SPSB1: variants seen among roughly 807,000 people sequenced by gnomAD.
SPSB1 encodes SPRY domain-containing SOCS box protein 1.
SPSB1 carries 8 observed loss-of-function variants against 21.2 expected under a neutral mutation model. The ratio of observed to expected loss-of-function variants is 0.38; its 90% confidence interval spans 0.22 to 0.68. The LOEUF is 0.68. SPSB1 is among the 30% of genes least tolerant of loss of function. SPSB1 has a pLI of 0.53. For missense variants in SPSB1, 242 were observed against 377.8 expected (o/e 0.64, Z 2.98); for synonymous variants, 169 against 161.7 (o/e 1.05, Z -0.34).
chr1:9,312,544 A>G (rs955169644), intron 1 of SPSB1, among the ~76,000 whole-genome samples: 1 of 151,882 alleles, frequency 6.6e-6, no homozygotes, highest in African/African-American at 2.4e-5. Flanking sequence ...TTTTCTCCCT[A>G]CCTCAGCATG....
rs1447584119 is a variant in SPSB1 at position 9,305,357 on chromosome 1, C to A, written c.-150+12286C>A. Among the ~76,000 whole-genome samples the A allele has an allele frequency of 3.9e-5, 6 of 152,246 alleles. No individual in the cohort carries two copies. The highest frequency in any genetic ancestry group is 1.4e-4 in the African/African-American group (6 of 41,464). ...GTCCACCCTGTCACCCAGACACATGCACCCTCAGCCATGCCAGGGACAGCT... is the reference window on the plus strand; with the variant it reads ...GTCCACCCTGTCACCCAGACACATGAACCCTCAGCCATGCCAGGGACAGCT... On this transcript the variant is annotated intron_variant, in intron 1 of 2. Transcript: ENST00000328089. This position sits in a 1 kb window ranked among gnomAD's most constrained non-coding sequence, Gnocchi z 4.8.
At chr1:9,341,078 A>C (rs1362714497) in intron 1 of SPSB1, among the ~76,000 whole-genome samples, 1 of 152,164 alleles carries the variant, frequency 6.6e-6, no homozygotes, top group East Asian at 1.9e-4. Context: ...ATATTGGGCC[A>C]ATTTCCCTTT....
intron 1 of SPSB1, among the ~76,000 whole-genome samples, chr1:9,354,252 T>C (rs1234779451): frequency 2.6e-5 from 4 of 152,090 alleles, no homozygotes; most frequent in African/African-American, 7.2e-5. Flanking sequence ...GTTCTCTTTG[T>C]CTCCTTTACT....
At chr1:9,351,327 A>C (rs1265898120) in intron 1 of SPSB1, 1 of 152,270 alleles carries the variant, frequency 6.6e-6, no homozygotes, top group African/African-American at 2.4e-5. Flanking sequence ...GTCCCTCTGT[A>C]GGGCCAGATG....
chr1:9,322,868 C>G (rs1639743411), intron 1 of SPSB1, among the ~76,000 whole-genome samples: 1 of 151,304 alleles, frequency 6.6e-6, no homozygotes. Flanking sequence ...AGCCCGCACC[C>G]ACCCCACCCG....
chr1:9,354,270 C>A (rs1007584468), intron 1 of SPSB1, among the ~76,000 whole-genome samples: 7 of 152,146 alleles, frequency 4.6e-5, no homozygotes, highest in African/African-American at 2.4e-5. Flanking sequence ...ACTCGGGCAC[C>A]CTAGTAACAA....
chr1:9,326,232 G>C (rs1044136436), intron 1 of SPSB1, among the ~76,000 whole-genome samples: 1 of 152,114 alleles, frequency 6.6e-6, no homozygotes, highest in African/African-American at 2.4e-5. Flanking sequence ...ACCAGCCCCT[G>C]GGACCCTTTC....
At chr1:9,365,079 A>ACTC (rs1640545867) in intron 2 of SPSB1, among the ~76,000 whole-genome samples, 1 of 151,312 alleles carries the variant, frequency 6.6e-6, no homozygotes, top group Non-Finnish European at 1.5e-5. Flanking sequence ...CTGGTCTTGA[A>ACTC]CTCCTGCCCT....
intron 1 of SPSB1, among the ~76,000 whole-genome samples, chr1:9,318,075 C>T (rs149074099): frequency 0.011 from 1,669 of 152,300 alleles, 19 homozygotes; most frequent in Non-Finnish European, 0.012. Flanking sequence ...GTTGGGGAAA[C>T]GCAGCGATTG....
In SPSB1 at chr1:9,293,302, G is replaced by A. The variant is rs1639151337; in HGVS notation, c.-150+231G>A. Among the ~76,000 whole-genome samples the A allele has an allele frequency of 1.3e-5, 2 of 149,020 alleles. No individual in the cohort carries two copies. The highest frequency in any genetic ancestry group is 1.3e-4 in the Admixed American group (2 of 15,052). The stretch of plus-strand genomic sequence containing the variant: ...CCCTCGCCGCGGCTCCTGGGAGAGG[G>A]GCCCAGGCCCGCCCCGCGCTGCCGC... On this transcript the variant is annotated intron_variant, in intron 1 of 2. Transcript: ENST00000328089. This position sits in a 1 kb window ranked among gnomAD's most constrained non-coding sequence, Gnocchi z 5.1.
At chr1:9,347,785 G>A (rs1457674248) in intron 1 of SPSB1, among the ~76,000 whole-genome samples, 1 of 152,008 alleles carries the variant, frequency 6.6e-6, no homozygotes, top group East Asian at 1.9e-4. Flanking sequence ...AAGGGCTGTT[G>A]CTGGGTGATT....
chr1:9,311,133 G>C (rs1639513306), intron 1 of SPSB1, among the ~76,000 whole-genome samples: 1 of 151,080 alleles, frequency 6.6e-6, no homozygotes, highest in South Asian at 2.1e-4. Context: ...CCACTCTCAG[G>C]GGTGTCTAGA....
At chr1:9,341,866 C>T (rs1640097335) in intron 1 of SPSB1, among the ~76,000 whole-genome samples, 2 of 152,304 alleles carry the variant, frequency 1.3e-5, no homozygotes, top group South Asian at 4.1e-4. Flanking sequence ...CCACGCCCAG[C>T]TAATTTTGTA....
intron 1 of SPSB1, among the ~76,000 whole-genome samples, chr1:9,304,968 T>A (rs1245509723): frequency 6.6e-6 from 1 of 152,160 alleles, no homozygotes; most frequent in Non-Finnish European, 1.5e-5. Context: ...CCTCTGCTGC[T>A]TGGGTGCCGT....
intron 1 of SPSB1, among the ~76,000 whole-genome samples, chr1:9,309,301 A>AGAGTGTGT (rs1245605413): frequency 1.5e-5 from 2 of 133,136 alleles, no homozygotes; most frequent in South Asian, 2.5e-4. Context: ...AGAGAGAGAG[A>AGAGTGTGT]GTGTGTGTGT....
rs142728049 is a variant in SPSB1, at chr1:9,367,530, G to A, written c.777G>A (p.Thr259=). Residue 259 remains threonine, a synonymous_variant, in exon 3 of 3, where the codon ACG becomes ACA. Transcript: ENST00000328089. The surrounding 1 kb of genome is among the most constrained non-coding windows in gnomAD (Gnocchi z 5.9). ...LGRERLGEIH[T]LPLPASLKAY... Reference sequence around the variant, plus strand: ...GGGAGCGCCTGGGGGAGATCCACACGCTGCCGCTGCCGGCTTCCCTCAAGG... The same window carrying A: ...GGGAGCGCCTGGGGGAGATCCACACACTGCCGCTGCCGGCTTCCCTCAAGG... 1.1e-5 allele frequency: 17 copies of A among 1,612,610 alleles called. No individual in the cohort carries two copies. In the African/African-American group the frequency reaches 2.1e-4, roughly 20 times the overall value.
chr1:9,322,919 G>A (rs1276073476), intron 1 of SPSB1, among the ~76,000 whole-genome samples: 2 of 149,870 alleles, frequency 1.3e-5, no homozygotes, highest in Non-Finnish European at 3.0e-5. Context: ...TTGTCTGGCT[G>A]CGTCAGACGT....
chr1:9,340,064 C>T (rs1640065303), intron 1 of SPSB1, among the ~76,000 whole-genome samples: 1 of 152,208 alleles, frequency 6.6e-6, no homozygotes, highest in Admixed American at 6.5e-5. Context: ...GGGGCAGTAG[C>T]CCGAGACTCT....
chr1:9,299,620 C>T (rs1474475892), intron 1 of SPSB1, among the ~76,000 whole-genome samples: 1 of 152,096 alleles, frequency 6.6e-6, no homozygotes, highest in Non-Finnish European at 1.5e-5. Context: ...GCTGGGATTA[C>T]AGGCATGCGC....
Sources: allele counts gnomAD v4.1 joint callset (sites outside exome capture counted in the v4.1 genomes callset), GRCh38; gene constraint gnomAD v4.1.1; non-coding constraint Gnocchi (gnomAD v3.1); transcripts MANE v1.5; gene names NCBI Gene and HGNC (gene_info 2026-07-23, HGNC 2026-07-21).